The following TMEM208 variants were observed in gnomAD, a reference collection of about 807,000 sequenced individuals.
The protein encoded by TMEM208 is SRP-independent targeting 2 homolog.
A neutral mutation model predicts 26.4 loss-of-function variants in TMEM208; 19 were observed. The observed-to-expected ratio is 0.72, with a 90% CI of 0.50 to 1.06. The LOEUF is 1.06. TMEM208 is among the 50% of genes least tolerant of loss of function. TMEM208 has a pLI of 0.00. For missense variants in TMEM208, 183 were observed against 219.8 expected (o/e 0.83, Z 1.06); for synonymous variants, 93 against 83.1 (o/e 1.12, Z -0.65).
intron 2 of TMEM208, 133 bp downstream of exon 2, chr16:67,228,064 G>A (rs898227024): frequency 6.8e-6 from 5 of 739,050 alleles, no homozygotes; most frequent in African/African-American, 3.6e-5. Context: ...TGAGAGATCT[G>A]GGCACAGAGA....
At position 67,228,499 on chromosome 16, in the gene TMEM208, C is replaced by T; in HGVS notation, c.167C>T (p.Ala56Val). Residue 56 changes from alanine (A) to valine (V), a missense_variant, in exon 4 of 6, where the codon GCC becomes GTC. Physicochemically the swap from Ala to Val is moderately conservative, Grantham distance 64 (BLOSUM62 0). Transcript: ENST00000304800. ...ACCCTCATTCTTGCTCTGCAGTTGGCCCTGGGCTTTAGTCTGGCAGTGTAT... is the reference window on the plus strand; with the variant it reads ...ACCCTCATTCTTGCTCTGCAGTTGGTCCTGGGCTTTAGTCTGGCAGTGTAT... The part of the protein sequence containing the change: ...YSSASFWAWL[A>V]LGFSLAVYGA... 3 of 1,613,642 alleles carry T rather than the reference C, an allele frequency of 1.9e-6. No individual in the cohort carries two copies. The highest frequency in any genetic ancestry group is 2.2e-5 in the South Asian group (2 of 91,074).
chr16:67,227,274 G>A (rs747583219), intron 1 of TMEM208, 50 bp downstream of exon 1: 6 of 1,593,652 alleles, frequency 3.8e-6, no homozygotes, highest in Non-Finnish European at 5.1e-6. Flanking sequence ...CTCTCCAGGG[G>A]CTGTGAGAGT....
chr16:67,227,973 G>C (rs1219331437), intron 2 of TMEM208, 42 bp downstream of exon 2: 10 of 1,502,340 alleles, frequency 6.7e-6, no homozygotes, highest in Non-Finnish European at 9.1e-6. Flanking sequence ...CTTATAGTCA[G>C]TTCCCTAGTC....
Position 67,228,647 on chromosome 16 carries a change from C to G in TMEM208, c.299+16C>G. 1 of 1,549,776 alleles carries G rather than the reference C, an allele frequency of 6.5e-7. No homozygotes were observed. The highest frequency in any genetic ancestry group is 8.7e-7 in the Non-Finnish European group (1 of 1,146,786). On this transcript the variant is annotated intron_variant, in intron 4 of 5. Coordinates refer to ENST00000304800, the MANE Select transcript of TMEM208 (RefSeq NM_014187.4). ...GCATGGCAGAGTGAGTGTCCCCCAC[C>G]GCCAGCCCAGGTGAGCGGCCCCAGG...
chr16:67,228,333 C>T (rs766850139), intron 2 of TMEM208, 22 bp from the exon 3 acceptor site: 1 of 1,613,922 alleles, frequency 6.2e-7, no homozygotes, highest in Non-Finnish European at 8.5e-7. Context: ...TGACCCCAAC[C>T]TGATCCTGTG....
rs574376433 is a variant in TMEM208, at chr16:67,227,210, C to T, written c.-9C>T. The T allele has an allele frequency of 1.9e-6, 3 of 1,612,206 alleles. No homozygotes were observed. Among genetic ancestry groups the T allele is most frequent in the Non-Finnish European group, 2.5e-6 (3 of 1,178,818 alleles). On this transcript the variant is annotated 5_prime_UTR_variant, in exon 1 of 6. Coordinates refer to ENST00000304800, the MANE Select transcript of TMEM208 (RefSeq NM_014187.4). ...CCGTGTTTCCCGGGCTGGGTATTTGCCTCGCACCATGGCGGTAAGGAGGAT... is the reference window on the plus strand; with the variant it reads ...CCGTGTTTCCCGGGCTGGGTATTTGTCTCGCACCATGGCGGTAAGGAGGAT...
chr16:67,227,686 G>C (rs1198430731), intron 1 of TMEM208, 150 bp from the exon 2 acceptor site: 1 of 633,642 alleles, frequency 1.6e-6, no homozygotes, highest in Non-Finnish European at 2.8e-6. Flanking sequence ...GAATGGACTG[G>C]AGGATGGGTG....
In TMEM208 at chr16:67,228,984, C is replaced by T. The variant is rs763817873; in HGVS notation, c.393C>T (p.Gly131=). 1.2e-6 allele frequency: 2 copies of T among 1,609,452 alleles called. No homozygotes were observed. Among genetic ancestry groups the T allele is most frequent in the South Asian group, 1.1e-5 (1 of 90,912 alleles). Residue 131 remains glycine (G), a synonymous_variant, in exon 6 of 6, where the codon GGC becomes GGT. Coordinates refer to ENST00000304800, the MANE Select transcript of TMEM208 (RefSeq NM_014187.4). ...TACCGTTTCTCTTGTAGGCTCCAGG[C>T]CGGGCCCTTTACCTCCTGTGGGTGA... is the stretch of plus-strand genomic sequence containing the variant. ...YVWSFWLLAP[G]RALYLLWVNV... is the part of the protein sequence containing the mutation.
chr16:67,227,270 A>C (rs752392653), intron 1 of TMEM208, 46 bp downstream of exon 1: 1 of 1,592,814 alleles, frequency 6.3e-7, no homozygotes, highest in Admixed American at 1.8e-5. Context: ...AAAGCTCTCC[A>C]GGGGCTGTGA....
rs1477786940 is a variant in TMEM208, at chr16:67,229,058, A to C, written c.467A>C (p.Glu156Ala). ...FTADSGTPAP[E>A]HNEKRQRRQE... ...GCAGACAGTGGCACCCCAGCACCAG[A>C]GCACAATGAGAAACGGCAGCGCCGA... is the stretch of plus-strand genomic sequence containing the variant. The change falls in exon 6 of 6, where the codon GAG (glutamate) becomes GCG (alanine). Residue 156 changes from glutamate to alanine, a missense_variant. By Grantham distance (107) the Glu-to-Ala change is moderately radical. Coordinates refer to ENST00000304800, the MANE Select transcript of TMEM208 (RefSeq NM_014187.4). The C allele has an allele frequency of 6.2e-7, 1 of 1,613,326 alleles. No individual in the cohort carries two copies. The highest frequency in any genetic ancestry group is 1.1e-5 in the South Asian group (1 of 91,058).
chr16:67,227,249 T>C, intron 1 of TMEM208, 25 bp downstream of exon 1: 1 of 1,609,118 alleles, frequency 6.2e-7, no homozygotes, highest in Non-Finnish European at 8.5e-7. Flanking sequence ...TAGGGCGGGG[T>C]CCGCACCAGC....
At chr16:67,227,335 C>T in intron 1 of TMEM208, 111 bp downstream of exon 1, 2 of 1,451,502 alleles carry the variant, frequency 1.4e-6, no homozygotes, top group Non-Finnish European at 1.9e-6. Context: ...GAGCGGGGCG[C>T]CATCCCTGGC....
rs2034081690 is a variant in TMEM208, at chr16:67,227,829, T to G, written c.7-7T>G. The stretch of plus-strand genomic sequence containing the variant: ...CCTCCTGACGGCATCTCATCATTCC[T>G]CTGCAGCCCAAGGGCAAAGTGGGCA... On this transcript the variant is annotated splice_polypyrimidine_tract_variant and splice_region_variant and intron_variant, in intron 1 of 5. Transcript: ENST00000304800. The G allele has an allele frequency of 6.2e-7, 1 of 1,601,656 alleles. No homozygotes were observed. The highest frequency in any genetic ancestry group is 8.5e-7 in the Non-Finnish European group (1 of 1,173,862).
Position 67,229,255 on chromosome 16 carries a change from G to A in TMEM208, c.*142G>A, listed in dbSNP as rs1054069255. On this transcript the variant is annotated 3_prime_UTR_variant, in exon 6 of 6. Coordinates refer to ENST00000304800, the MANE Select transcript of TMEM208 (RefSeq NM_014187.4). The stretch of plus-strand genomic sequence containing the variant: ...GGGTATACTTATACTCTATAGGGTC[G>A]TTGAATAAATGGCTTAGAATGTGGC... The A allele has an allele frequency of 1.5e-5, 13 of 847,928 alleles. No homozygotes were observed. Among genetic ancestry groups the A allele is most frequent in the Admixed American group, 3.0e-5 (1 of 33,602 alleles). The allele number at this position is 847,928 out of a possible 1,614,324, so 52.5% of individuals were successfully genotyped here. A position where few individuals can be genotyped will look rare whatever the true frequency, so the allele number is the denominator to read the frequency against.
Position 67,227,368 on chromosome 16 carries a change from G to T in TMEM208, c.6+144G>T, listed in dbSNP as rs960430633. 1.3e-5 allele frequency: 16 copies of T among 1,245,942 alleles called. No individual in the cohort carries two copies. In the African/African-American group the frequency reaches 2.3e-4, roughly 18 times the overall value. 77.2% of individuals were successfully genotyped at this position (1,245,942 alleles called of 1,614,324 possible). A position where few individuals can be genotyped will look rare whatever the true frequency, so the allele number is the denominator to read the frequency against. On this transcript the variant is annotated intron_variant, in intron 1 of 5. Coordinates refer to ENST00000304800, the MANE Select transcript of TMEM208 (RefSeq NM_014187.4). ...GGCCAGACCGTGCTAGAGCTGGGCTGGGGGGATGGCGGCGCAGGACCATAC... is the reference window on the plus strand; with the variant it reads ...GGCCAGACCGTGCTAGAGCTGGGCTTGGGGGATGGCGGCGCAGGACCATAC...
chr16:67,227,933 T>C lies in TMEM208; in HGVS notation c.102+2T>C, dbSNP rs1457769510. Reference sequence around the variant, plus strand: ...CTGCGGATCATACTGGGGGCCAATGTAAGTGCCTACCTCCTTGCTTCTATG... The same window carrying C: ...CTGCGGATCATACTGGGGGCCAATGCAAGTGCCTACCTCCTTGCTTCTATG... On this transcript the variant is annotated splice_donor_variant, in intron 2 of 5. Transcript: ENST00000304800. LOFTEE classifies it high-confidence loss of function. The C allele has an allele frequency of 1.9e-6, 3 of 1,604,820 alleles. No individual in the cohort carries two copies. The highest frequency in any genetic ancestry group is 2.6e-6 in the Non-Finnish European group (3 of 1,175,250).
At chr16:67,227,776 C>A in intron 1 of TMEM208, 60 bp from the exon 2 acceptor site, 1 of 1,380,656 alleles carries the variant, frequency 7.2e-7, no homozygotes. Flanking sequence ...GCTCACCAGG[C>A]TGGTGGGGAG....
At position 67,228,764 on chromosome 16, in the gene TMEM208, A is replaced by T. The variant is rs78736954; in HGVS notation, c.300-33A>T. 1 of 1,601,090 alleles carries T rather than the reference A, an allele frequency of 6.2e-7. No individual in the cohort carries two copies. The highest frequency in any genetic ancestry group is 8.5e-7 in the Non-Finnish European group (1 of 1,173,494). On this transcript the variant is annotated intron_variant, in intron 4 of 5. Transcript: ENST00000304800. ...ACTTGAAAAGGGTGGAAGGGCCCATATGCTGTCTTTCCAGCTTTATTTCTA... is the reference window on the plus strand; with the variant it reads ...ACTTGAAAAGGGTGGAAGGGCCCATTTGCTGTCTTTCCAGCTTTATTTCTA...
At position 67,227,186 on chromosome 16, in the gene TMEM208, CG is replaced by C. The variant is rs2034051796; in HGVS notation, c.-32del. On this transcript the variant is annotated 5_prime_UTR_variant, in exon 1 of 6. Coordinates refer to ENST00000304800, the MANE Select transcript of TMEM208 (RefSeq NM_014187.4). ...GTGATTGCGGTTTCGGTCGCTCTCC[CG>C]TGTTTCCCGGGCTGGGTATTTGCCT... 1 of 1,610,750 alleles carries C rather than the reference CG, an allele frequency of 6.2e-7. No individual in the cohort carries two copies. Among genetic ancestry groups the C allele is most frequent in the African/African-American group, 1.3e-5 (1 of 74,904 alleles).
Sources: gnomAD v4.1 joint callset for allele counts on GRCh38, gnomAD v4.1.1 for gene constraint, MANE v1.5 for transcripts, NCBI Gene and HGNC (gene_info 2026-07-23, HGNC 2026-07-21) for gene names.